TNFSF4: variants seen among roughly 807,000 people sequenced by gnomAD.
TNFSF4 encodes the protein tumor necrosis factor ligand superfamily member 4.
In TNFSF4, 4 loss-of-function variants were observed where a neutral mutation model predicts 7.3. The ratio of observed to expected loss-of-function variants is 0.55; its 90% CI spans 0.27 to 1.25. The LOEUF (loss-of-function observed/expected upper bound fraction) is 1.25, where lower values mean the gene tolerates loss of function less well. Among genes scored for constraint, TNFSF4 ranks in the 50% most tolerant of loss-of-function variants. The pLI is 0.12. For synonymous variants in TNFSF4, 76 were observed against 83.7 expected (o/e 0.91, Z 0.50); for missense variants, 181 against 208.8 (o/e 0.87, Z 0.82).
the TNFSF4 span, among the ~76,000 whole-genome samples, chr1:173,274,484 A>T: frequency 1.3e-5 from 2 of 152,136 alleles, no homozygotes; most frequent in African/African-American, 4.8e-5. Flanking sequence ...CCAAGATTGT[A>T]GTAACCACGG....
the TNFSF4 span, among the ~76,000 whole-genome samples, chr1:173,447,257 T>C: frequency 2.0e-4 from 31 of 152,294 alleles, no homozygotes; most frequent in Admixed American, 9.2e-4. Flanking sequence ...ATATGCAGAA[T>C]ATAGACAATT....
the TNFSF4 span, among the ~76,000 whole-genome samples, chr1:173,214,913 A>G: frequency 6.6e-6 from 1 of 152,200 alleles, no homozygotes; most frequent in Admixed American, 6.5e-5. Context: ...AACCAAGATC[A>G]TCTGGGTTTG....
the TNFSF4 span, among the ~76,000 whole-genome samples, chr1:173,368,267 C>T: frequency 3.3e-5 from 5 of 152,106 alleles, no homozygotes; most frequent in African/African-American, 9.7e-5. Flanking sequence ...ATAAACTTTG[C>T]TACCACTCAC....
the TNFSF4 span, among the ~76,000 whole-genome samples, chr1:173,303,657 C>T: frequency 6.6e-6 from 1 of 151,800 alleles, no homozygotes; most frequent in East Asian, 1.9e-4. Context: ...AAGTGAATAA[C>T]GTAAAAAACA....
At chr1:173,284,431 T>C in the TNFSF4 span, among the ~76,000 whole-genome samples, 1 of 152,300 alleles carries the variant, frequency 6.6e-6, no homozygotes, top group East Asian at 1.9e-4. Context: ...TGCAGCAAGT[T>C]ATCCAGAAGG....
the TNFSF4 span, among the ~76,000 whole-genome samples, chr1:173,277,721 C>T: frequency 6.6e-6 from 1 of 152,236 alleles, no homozygotes; most frequent in South Asian, 2.1e-4. Flanking sequence ...TACAATGTAT[C>T]AGGCACATTG....
the TNFSF4 span, among the ~76,000 whole-genome samples, chr1:173,289,811 T>G: frequency 2.6e-5 from 4 of 152,052 alleles, no homozygotes; most frequent in East Asian, 7.7e-4. Flanking sequence ...AGGTTTAAGA[T>G]ATGCAATAGA....
At chr1:173,351,976 A>T in the TNFSF4 span, 6 of 498,234 alleles carry the variant, frequency 1.2e-5, no homozygotes, top group African/African-American at 1.2e-4. Context: ...AAGGGCAAAT[A>T]CAAGGAAGAA....
chr1:173,360,018 T>C, the TNFSF4 span, among the ~76,000 whole-genome samples: 1 of 152,372 alleles, frequency 6.6e-6, no homozygotes, highest in East Asian at 1.9e-4. Context: ...AGGGTCAATA[T>C]CTATTATCAT....
At chr1:173,233,103 A>C in the TNFSF4 span, among the ~76,000 whole-genome samples, 1 of 152,318 alleles carries the variant, frequency 6.6e-6, no homozygotes, top group East Asian at 1.9e-4. Flanking sequence ...ACAAATGGCT[A>C]ACTGAATAAC....
the TNFSF4 span, among the ~76,000 whole-genome samples, chr1:173,349,426 A>G: frequency 6.6e-6 from 1 of 152,158 alleles, no homozygotes; most frequent in Admixed American, 6.5e-5. Flanking sequence ...GACTTTTTGA[A>G]CTCTGTTATA....
In TNFSF4 at chr1:173,186,577, T is replaced by C; in HGVS notation, c.491A>G (p.His164Arg). Residue 164 changes from histidine to arginine, a missense_variant, in exon 3 of 3, where the codon CAT (histidine) becomes CGT (arginine). Transcript: ENST00000281834. ...TTDNTSLDDFHVNGGELILIH... is the reference protein window; with the variant it reads ...TTDNTSLDDFRVNGGELILIH... The stretch of plus-strand genomic sequence containing the variant: ...AAGAATCAGTTCTCCGCCATTCACA[T>C]GGAAGTCATCCAGGGAGGTATTGTC... 6.2e-7 allele frequency: 1 copy of C among 1,614,172 alleles called. No individual in the cohort carries two copies. The highest frequency in any genetic ancestry group is 8.5e-7 in the Non-Finnish European group (1 of 1,180,004).
upstream of TNFSF4, among the ~76,000 whole-genome samples, chr1:173,207,911 T>G (rs1650256096): frequency 6.6e-6 from 1 of 152,376 alleles, no homozygotes; most frequent in Non-Finnish European, 1.5e-5. Flanking sequence ...CTTTCTCTCA[T>G]TTAACCCTTT....
chr1:173,295,381 A>G, the TNFSF4 span, among the ~76,000 whole-genome samples: 1 of 152,040 alleles, frequency 6.6e-6, no homozygotes, highest in Admixed American at 6.6e-5. Flanking sequence ...TATCCATCCC[A>G]CAAAATACTA....
the TNFSF4 span, among the ~76,000 whole-genome samples, chr1:173,176,942 A>T: frequency 6.6e-6 from 1 of 152,128 alleles, no homozygotes; most frequent in South Asian, 2.1e-4. Flanking sequence ...GGACACAGAG[A>T]GGGGAACAAT....
chr1:173,311,371 C>A, the TNFSF4 span, among the ~76,000 whole-genome samples: 8 of 151,898 alleles, frequency 5.3e-5, no homozygotes, highest in African/African-American at 1.9e-4. Context: ...TAAGAGAATG[C>A]TAAATTATAC....
chr1:173,299,186 G>A, the TNFSF4 span, among the ~76,000 whole-genome samples: 1 of 151,904 alleles, frequency 6.6e-6, no homozygotes, highest in Non-Finnish European at 1.5e-5. Flanking sequence ...TGTCTAATCT[G>A]CATCCAGAAT....
In TNFSF4 at chr1:173,187,369, G is replaced by A. The variant is rs138938440; in HGVS notation, c.203-504C>T. On this transcript the variant is annotated intron_variant, in intron 2 of 2. Transcript: ENST00000281834. ...CAGTGGTGCCCCATGCCTTAGCCCT[G>A]CACACTACCCATACTCTGAAGCTTG... Among the ~76,000 whole-genome samples, 841 of 152,300 alleles carry A rather than the reference G, an allele frequency of 5.5e-3. 3 individuals are homozygous for A. The highest frequency in any genetic ancestry group is 0.027 in the Middle Eastern group (8 of 294).
the TNFSF4 span, among the ~76,000 whole-genome samples, chr1:173,423,000 G>C: frequency 6.6e-6 from 1 of 150,986 alleles, no homozygotes; most frequent in African/African-American, 2.4e-5. Context: ...ACAGAGTCTC[G>C]CTCTGTTGCC....
Sources: allele counts gnomAD v4.1 joint callset (sites outside exome capture counted in the v4.1 genomes callset), GRCh38; gene constraint gnomAD v4.1.1; transcripts MANE v1.5; gene names NCBI Gene and HGNC (gene_info 2026-07-23, HGNC 2026-07-21).